ITPR2: variants seen among roughly 807,000 people sequenced by gnomAD.
ITPR2 encodes the protein inositol 1,4,5-trisphosphate-gated calcium channel ITPR2.
Under a neutral mutation model 317.1 loss-of-function variants are expected in ITPR2, and 207 were observed. The observed-to-expected ratio is 0.65, with a 90% CI of 0.58 to 0.73. ITPR2 has a LOEUF of 0.73. ITPR2 is among the 30% of genes least tolerant of loss of function. The pLI is 0.00. For missense variants in ITPR2, 2,613 were observed against 3,284.0 expected (o/e 0.80, Z 4.99); for synonymous variants, 1,156 against 1,149.1 (o/e 1.01, Z -0.12).
At chr12:26,703,519 T>C (rs374756113) in intron 9 of ITPR2, among the ~76,000 whole-genome samples, 1 of 152,180 alleles carries the variant, frequency 6.6e-6, no homozygotes, top group Non-Finnish European at 1.5e-5. Context: ...CTGTGTATAG[T>C]AGGATGTTTA....
intron 9 of ITPR2, among the ~76,000 whole-genome samples, chr12:26,698,714 GA>G (rs1948393654): frequency 6.6e-6 from 1 of 152,138 alleles, no homozygotes; most frequent in Non-Finnish European, 1.5e-5. Flanking sequence ...TCTGTCTACA[GA>G]GACCCAGACT....
chr12:26,820,627 T>C (rs1950924782), intron 1 of ITPR2, among the ~76,000 whole-genome samples: 2 of 152,142 alleles, frequency 1.3e-5, no homozygotes, highest in African/African-American at 2.4e-5. Context: ...GCTAAGTATA[T>C]ACCTAAAAGA....
At chr12:26,746,302 C>T (rs1303880317) in intron 2 of ITPR2, among the ~76,000 whole-genome samples, 1 of 152,072 alleles carries the variant, frequency 6.6e-6, no homozygotes, top group East Asian at 1.9e-4. Context: ...ATGGAGGGAA[C>T]CTGGAGAATG....
chr12:26,655,704 G>A lies in ITPR2; in HGVS notation c.2589+4C>T. The A allele has an allele frequency of 6.2e-7, 1 of 1,607,694 alleles. No homozygotes were observed. Among genetic ancestry groups the A allele is most frequent in the South Asian group, 1.1e-5 (1 of 90,856 alleles). On this transcript the variant is annotated splice_donor_region_variant and intron_variant, in intron 20 of 56. Coordinates refer to ENST00000381340, the MANE Select transcript of ITPR2 (RefSeq NM_002223.4). ...ACATCCTAAATATTAGAGGGACAAA[G>A]TACCTCAAATGTCAGTTTATTTTTT...
chr12:26,705,555 T>G lies in ITPR2; in HGVS notation c.951+5618A>C, dbSNP rs150254600. On this transcript the variant is annotated intron_variant, in intron 9 of 56. Transcript: ENST00000381340. ...CGCTCTGAAAACCCAAATCTAACACTGGTCAATCCCCAAACTTCCAGACGT... is the reference window on the plus strand; with the variant it reads ...CGCTCTGAAAACCCAAATCTAACACGGGTCAATCCCCAAACTTCCAGACGT... Among the ~76,000 whole-genome samples the G allele has an allele frequency of 7.2e-5, 11 of 152,336 alleles. No individual in the cohort carries two copies. The East Asian group carries it at 2.1e-3, about 29-fold the overall frequency.
At position 26,612,206 on chromosome 12, in the gene ITPR2, A is replaced by G. The variant is rs147728838; in HGVS notation, c.3462+8917T>C. Among the ~76,000 whole-genome samples the G allele has an allele frequency of 5.4e-3, 825 of 151,970 alleles. 13 individuals are homozygous for G. Among genetic ancestry groups the G allele is most frequent in the African/African-American group, 0.019 (784 of 41,448 alleles). On this transcript the variant is annotated intron_variant, in intron 26 of 56. Coordinates refer to ENST00000381340, the MANE Select transcript of ITPR2 (RefSeq NM_002223.4). The stretch of plus-strand genomic sequence containing the variant: ...ACCAAATTTACCACTGAGGGAAAAA[A>G]CTTTTTTTCCCCTCACGCTTTTATG...
chr12:26,521,817 T>C (rs1943674919), intron 37 of ITPR2, among the ~76,000 whole-genome samples: 1 of 152,172 alleles, frequency 6.6e-6, no homozygotes, highest in South Asian at 2.1e-4. Flanking sequence ...TTTTATTATT[T>C]TGCAAAGATG....
At chr12:26,724,529 A>G (rs537957664) in intron 4 of ITPR2, 127 bp downstream of exon 4, 1 of 676,838 alleles carries the variant, frequency 1.5e-6, no homozygotes, top group South Asian at 1.6e-5. Context: ...ATACGTCACA[A>G]CATCGATAAT....
At chr12:26,752,903 T>C (rs916040723) in intron 2 of ITPR2, among the ~76,000 whole-genome samples, 2 of 151,964 alleles carry the variant, frequency 1.3e-5, no homozygotes, top group Non-Finnish European at 2.9e-5. Flanking sequence ...GAAGCAACTA[T>C]AGTGCAGAAA....
At chr12:26,790,617 A>ACACACACACACACACT (rs1555192765) in intron 1 of ITPR2, among the ~76,000 whole-genome samples, 2 of 150,754 alleles carry the variant, frequency 1.3e-5, no homozygotes, top group Admixed American at 6.7e-5. Flanking sequence ...ACACACACAC[A>ACACACACACACACACT]CTTCTACACA....
At chr12:26,813,975 A>G (rs1481587760) in intron 1 of ITPR2, among the ~76,000 whole-genome samples, 1 of 152,200 alleles carries the variant, frequency 6.6e-6, no homozygotes, top group Non-Finnish European at 1.5e-5. Flanking sequence ...CTGGCAACAG[A>G]GCCCTACATG....
intron 40 of ITPR2, 116 bp downstream of exon 40, chr12:26,486,952 C>A (rs751814164): frequency 9.4e-7 from 1 of 1,067,308 alleles, no homozygotes; most frequent in Non-Finnish European, 1.4e-6. Context: ...ATGATCAGAG[C>A]CACAGTGGGG....
At chr12:26,741,925 A>G (rs1340173481) in intron 2 of ITPR2, among the ~76,000 whole-genome samples, 1 of 152,222 alleles carries the variant, frequency 6.6e-6, no homozygotes, top group African/African-American at 2.4e-5. Flanking sequence ...TACATTGGGA[A>G]GGAGAGGGTT....
intron 2 of ITPR2, among the ~76,000 whole-genome samples, chr12:26,749,647 T>C (rs981465088): frequency 6.6e-6 from 1 of 152,216 alleles, no homozygotes; most frequent in East Asian, 1.9e-4. Context: ...TAGTTTCTTA[T>C]GTTACCATTT....
chr12:26,568,019 T>TATATTATATATATTATATATATATA (rs1945057012), intron 34 of ITPR2, among the ~76,000 whole-genome samples: 1 of 126,338 alleles, frequency 7.9e-6, no homozygotes, highest in African/African-American at 3.3e-5. Context: ...TATATATATA[T>TATATTATATATATTATATATATATA]ATATATATAT....
Position 26,622,297 on chromosome 12 carries a change from C to G in ITPR2, c.3231G>C (p.Leu1077=), listed in dbSNP as rs1170932118. The G allele has an allele frequency of 6.2e-7, 1 of 1,613,976 alleles. No homozygotes were observed. Among genetic ancestry groups the G allele is most frequent in the Admixed American group, 1.7e-5 (1 of 60,006 alleles). Residue 1077 remains leucine (L), a synonymous_variant, in exon 25 of 57, where the codon CTG becomes CTC. Coordinates refer to ENST00000381340, the MANE Select transcript of ITPR2 (RefSeq NM_002223.4). ...GGCTGAAGTGCTTAAACAACAGCTGCAGGGCTCCAGACAGCAAAGGCGGGT... is the reference window on the plus strand; with the variant it reads ...GGCTGAAGTGCTTAAACAACAGCTGGAGGGCTCCAGACAGCAAAGGCGGGT... The part of the protein sequence containing the change: ...HDYPPLLSGA[L]QLLFKHFSQR...
At chr12:26,721,128 T>G (rs1458116692) in intron 5 of ITPR2, among the ~76,000 whole-genome samples, 3 of 151,986 alleles carry the variant, frequency 2.0e-5, no homozygotes, top group African/African-American at 7.2e-5. Flanking sequence ...TTGATTGTAA[T>G]GAACTATTTA....
At chr12:26,453,009 T>C (rs746528125) in intron 45 of ITPR2, among the ~76,000 whole-genome samples, 1 of 152,184 alleles carries the variant, frequency 6.6e-6, no homozygotes, top group Non-Finnish European at 1.5e-5. Context: ...TTAATTTATA[T>C]GTTTATTTTC....
intron 16 of ITPR2, among the ~76,000 whole-genome samples, chr12:26,658,457 A>G (rs1438237998): frequency 6.6e-6 from 1 of 152,250 alleles, no homozygotes; most frequent in Admixed American, 6.5e-5. Flanking sequence ...GCTGAATATC[A>G]AAACAAAGGC....
Sources: allele counts gnomAD v4.1 joint callset (sites outside exome capture counted in the v4.1 genomes callset), GRCh38; gene constraint gnomAD v4.1.1; transcripts MANE v1.5; gene names NCBI Gene and HGNC (gene_info 2026-07-23, HGNC 2026-07-21).